Variants in FMN1 observed in about 807,000 individuals in gnomAD.
FMN1 encodes the protein formin 1, also known as formin-1.
FMN1 carries 110 observed loss-of-function variants against 132.4 expected under a neutral mutation model. The observed-to-expected ratio is 0.83, with a 90% CI of 0.71 to 0.97. FMN1 has a LOEUF of 0.97. Ranked by LOEUF, FMN1 falls within the 50% of genes least tolerant of loss-of-function variation. The probability of loss-of-function intolerance (pLI) is 0.00; values close to 1 mark genes in which losing one functional copy is unlikely to be tolerated. For missense variants in FMN1, 1,792 were observed against 1,705.3 expected, an observed-to-expected ratio of 1.05 and a Z score of -0.90; for synonymous variants, 722 against 651.7, an observed-to-expected ratio of 1.11 and a Z score of -1.64.
chr15:32,789,975 T>C (rs2057015144), intron 19 of FMN1, among the ~76,000 whole-genome samples: 1 of 152,238 alleles, frequency 6.6e-6, no homozygotes, highest in South Asian at 2.1e-4. Flanking sequence ...GTACACTCTA[T>C]AATGTTCGCA....
chr15:33,164,500 T>G (rs1441931160), intron 3 of FMN1, among the ~76,000 whole-genome samples: 1 of 152,216 alleles, frequency 6.6e-6, no homozygotes, highest in Non-Finnish European at 1.5e-5. Context: ...GCTGTTCATT[T>G]TTTGACCTAC....
intron 9 of FMN1, among the ~76,000 whole-genome samples, chr15:32,942,942 A>G (rs2061430913): frequency 1.3e-5 from 2 of 152,258 alleles, no homozygotes; most frequent in African/African-American, 4.8e-5. Flanking sequence ...CCATATATAT[A>G]TGAGTAGACA....
intron 9 of FMN1, among the ~76,000 whole-genome samples, chr15:32,926,994 C>A (rs947937009): frequency 2.0e-5 from 3 of 152,054 alleles, no homozygotes; most frequent in Admixed American, 1.3e-4. Context: ...ATAAAAACTT[C>A]ATTGCCCAGG....
intron 17 of FMN1, among the ~76,000 whole-genome samples, chr15:32,856,727 C>G (rs1268603473): frequency 1.3e-5 from 2 of 152,292 alleles, no homozygotes; most frequent in Middle Eastern, 6.8e-3. Context: ...TAAGGAATTC[C>G]TTGAGCCCCA....
intron 7 of FMN1, among the ~76,000 whole-genome samples, chr15:32,988,931 T>C (rs2033258558): frequency 6.6e-6 from 1 of 152,216 alleles, no homozygotes; most frequent in South Asian, 2.1e-4. Context: ...ATGCAAATGT[T>C]GTCTAAACGC....
intron 17 of FMN1, among the ~76,000 whole-genome samples, chr15:32,819,335 G>A (rs757602232): frequency 3.9e-5 from 6 of 152,106 alleles, no homozygotes; most frequent in Admixed American, 1.3e-4. Context: ...TAAATGCCCA[G>A]CAGGATAGTA....
rs1474110933 is a variant in FMN1, at chr15:33,116,948, AC to A, written c.1868-27975del. On this transcript the variant is annotated intron_variant, in intron 4 of 20. Coordinates refer to ENST00000616417, the MANE Select transcript of FMN1 (RefSeq NM_001277313.2). Reference sequence around the variant, plus strand: ...CAGCACTCAATAAATGCTTATTATTACTATTGTTTCCACCAATACAACACTA... The same window carrying A: ...CAGCACTCAATAAATGCTTATTATTATATTGTTTCCACCAATACAACACTA... 3.3e-5 allele frequency among the ~76,000 whole-genome samples: 5 copies of A among 151,988 alleles called. No individual in the cohort carries two copies. The South Asian group carries it at 8.3e-4, about 25-fold the overall frequency.
At chr15:33,002,300 T>C (rs1370882664) in intron 7 of FMN1, among the ~76,000 whole-genome samples, 2 of 152,188 alleles carry the variant, frequency 1.3e-5, no homozygotes, top group Non-Finnish European at 2.9e-5. Flanking sequence ...AATCTAACAA[T>C]GATAGCTGCC....
intron 2 of FMN1, among the ~76,000 whole-genome samples, chr15:33,186,339 C>G (rs114168162): frequency 6.6e-6 from 1 of 152,092 alleles, no homozygotes; most frequent in Non-Finnish European, 1.5e-5. Context: ...TCCTGAGACA[C>G]TTTCTCATGC....
In FMN1 at chr15:32,777,811, CATTT is replaced by C. The variant is rs1386595207; in HGVS notation, c.4131-896_4131-893del. 8.5e-5 allele frequency among the ~76,000 whole-genome samples: 9 copies of C among 106,008 alleles called. No homozygotes were observed. The East Asian group carries it at 1.7e-3, about 20-fold the overall frequency. 69.5% of individuals were successfully genotyped at this position (106,008 alleles called of 152,430 possible). ...TTTATATATTATGTATAATATAATA[CATTT>C]ATTTATATATTATGTATAATATATA... On this transcript the variant is annotated intron_variant, in intron 19 of 20. Coordinates refer to ENST00000616417, the MANE Select transcript of FMN1 (RefSeq NM_001277313.2).
At chr15:33,030,646 A>C (rs960350791) in intron 6 of FMN1, among the ~76,000 whole-genome samples, 4 of 152,210 alleles carry the variant, frequency 2.6e-5, no homozygotes, top group Admixed American at 2.0e-4. Flanking sequence ...ATATACAAGA[A>C]CACCACTGAT....
At chr15:33,068,974 G>C (rs2037876255) in intron 5 of FMN1, among the ~76,000 whole-genome samples, 1 of 152,022 alleles carries the variant, frequency 6.6e-6, no homozygotes, top group Non-Finnish European at 1.5e-5. Flanking sequence ...CTCCCCCTTT[G>C]GTGTCCCAGC....
At chr15:32,890,921 G>C (rs2060011768) in intron 15 of FMN1, among the ~76,000 whole-genome samples, 1 of 152,204 alleles carries the variant, frequency 6.6e-6, no homozygotes, top group South Asian at 2.1e-4. Context: ...TGTGTAAGGT[G>C]AGAGATGAGG....
At chr15:32,994,883 C>T (rs1253037078) in intron 7 of FMN1, among the ~76,000 whole-genome samples, 1 of 152,158 alleles carries the variant, frequency 6.6e-6, no homozygotes, top group Non-Finnish European at 1.5e-5. Context: ...GACTTATGTG[C>T]ACTTTGCTGT....
At chr15:33,049,046 A>G (rs979069509) in intron 6 of FMN1, among the ~76,000 whole-genome samples, 1 of 152,234 alleles carries the variant, frequency 6.6e-6, no homozygotes, top group Non-Finnish European at 1.5e-5. Context: ...GGTAAGATAA[A>G]GCTAAAGGTT....
At chr15:32,841,078 T>C (rs1211778492) in intron 17 of FMN1, among the ~76,000 whole-genome samples, 1 of 152,222 alleles carries the variant, frequency 6.6e-6, no homozygotes, top group African/African-American at 2.4e-5. Flanking sequence ...GCTATTACTT[T>C]AGATATTTTT....
chr15:33,001,982 C>G (rs1487006250), intron 7 of FMN1, among the ~76,000 whole-genome samples: 1 of 152,094 alleles, frequency 6.6e-6, no homozygotes, highest in Non-Finnish European at 1.5e-5. Flanking sequence ...ATAGGGCTTG[C>G]ATTTTGCTGG....
At chr15:32,818,032 T>C (rs1257611039) in intron 17 of FMN1, among the ~76,000 whole-genome samples, 1 of 152,194 alleles carries the variant, frequency 6.6e-6, no homozygotes, top group Non-Finnish European at 1.5e-5. Context: ...GAGAAAGATA[T>C]AAATAAGAAA....
At chr15:33,015,480 G>A (rs2034987740) in intron 6 of FMN1, among the ~76,000 whole-genome samples, 1 of 152,034 alleles carries the variant, frequency 6.6e-6, no homozygotes, top group African/African-American at 2.4e-5. Context: ...TCATTTATGC[G>A]CTCTTTCTTA....
Sources: gnomAD v4.1 joint callset for allele counts (sites outside exome capture counted in the v4.1 genomes callset) on GRCh38, gnomAD v4.1.1 for gene constraint, MANE v1.5 for transcripts, NCBI Gene and HGNC (gene_info 2026-07-23, HGNC 2026-07-21) for gene names.